PDE8B: variants seen among roughly 807,000 people sequenced by gnomAD.
PDE8B encodes high affinity cAMP-specific and IBMX-insensitive 3',5'-cyclic phosphodiesterase 8B.
A neutral mutation model predicts 101.3 loss-of-function variants in PDE8B; 26 were observed. That is an observed-to-expected ratio of 0.26 (90% CI 0.19 to 0.36). PDE8B has a LOEUF of 0.36. Among genes scored for constraint, PDE8B ranks in the 10% least tolerant of loss-of-function variants. The pLI, the probability that PDE8B is intolerant of heterozygous loss-of-function variation, is 1.00. For missense variants in PDE8B, 810 were observed against 1,163.1 expected, an observed-to-expected ratio of 0.70 and a Z score of 4.42; for synonymous variants, 424 against 429.3, an observed-to-expected ratio of 0.99 and a Z score of 0.15.
Position 77,412,011 on chromosome 5 carries a change from C to G in PDE8B, c.1577-89C>G, listed in dbSNP as rs538386342. The G allele has an allele frequency of 7.5e-4, 1,011 of 1,348,016 alleles. 13 individuals carry two copies. The highest frequency in any genetic ancestry group is 1.6e-4 in the Non-Finnish European group (149 of 945,900). The allele number at this position is 1,348,016 out of a possible 1,614,324, so 83.5% of individuals were successfully genotyped here. A position where few individuals can be genotyped will look rare whatever the true frequency, so the allele number is the denominator to read the frequency against. On this transcript the variant is annotated intron_variant, in intron 15 of 21. Coordinates refer to ENST00000264917, the MANE Select transcript of PDE8B (RefSeq NM_003719.5). ...AAAAATCAGGTACAAGACTTTTTTT[C>G]TAGTAGTAACTATGAAGATGATGAC...
chr5:77,137,788 G>A, the PDE8B span, among the ~76,000 whole-genome samples: 6 of 152,058 alleles, frequency 3.9e-5, no homozygotes, highest in Admixed American at 3.9e-4. Context: ...TTTATGTGGG[G>A]GTAAAATGGC....
chr5:77,144,419 G>A, the PDE8B span: 2 of 152,196 alleles, frequency 1.3e-5, no homozygotes, highest in Non-Finnish European at 2.9e-5. Flanking sequence ...TGAAAATTGC[G>A]TGGCTCCAAA....
intron 10 of PDE8B, among the ~76,000 whole-genome samples, chr5:77,359,437 C>G (rs17750669): frequency 0.25 from 37,559 of 152,172 alleles, 5,218 homozygotes; most frequent in East Asian, 0.46. Flanking sequence ...GGCAGAGAAG[C>G]TTACCCTCAT....
the PDE8B span, among the ~76,000 whole-genome samples, chr5:77,183,388 G>A: frequency 6.6e-6 from 1 of 152,146 alleles, no homozygotes; most frequent in Non-Finnish European, 1.5e-5. Flanking sequence ...AAAGTGCTGG[G>A]ATTACAGGCA....
At chr5:77,363,386 T>G (rs1172142113) in intron 10 of PDE8B, among the ~76,000 whole-genome samples, 1 of 152,002 alleles carries the variant, frequency 6.6e-6, no homozygotes, top group Admixed American at 6.6e-5. Flanking sequence ...ATAGAGGAGG[T>G]GTTGACTGAC....
the PDE8B span, among the ~76,000 whole-genome samples, chr5:77,165,117 G>T: frequency 6.6e-6 from 1 of 152,122 alleles, no homozygotes; most frequent in Non-Finnish European, 1.5e-5. Flanking sequence ...ACATGGAGCT[G>T]GAAAGAGATG....
At chr5:77,194,572 A>C in the PDE8B span, among the ~76,000 whole-genome samples, 3 of 152,178 alleles carry the variant, frequency 2.0e-5, no homozygotes, top group Non-Finnish European at 4.4e-5. Context: ...AAGAAACCCC[A>C]TGACCATTCG....
chr5:77,145,423 C>T, the PDE8B span: 1 of 152,116 alleles, frequency 6.6e-6, no homozygotes, highest in East Asian at 1.9e-4. Flanking sequence ...GAGCTTGTGG[C>T]ATAGAGATAA....
chr5:77,262,691 C>T (rs1253216503), intron 1 of PDE8B, among the ~76,000 whole-genome samples: 1 of 152,214 alleles, frequency 6.6e-6, no homozygotes, highest in East Asian at 1.9e-4. Context: ...TGATTTTCTA[C>T]TTCTGTCTTT....
the PDE8B span, among the ~76,000 whole-genome samples, chr5:77,157,591 G>A: frequency 6.6e-6 from 1 of 152,228 alleles, no homozygotes; most frequent in East Asian, 1.9e-4. Context: ...ATGGATAAAT[G>A]TGGATAGAGG....
chr5:77,213,831 A>G (rs1311057961), intron 1 of PDE8B: 2 of 152,530 alleles, frequency 1.3e-5, no homozygotes, highest in African/African-American at 4.8e-5. Context: ...TTTTCTAGCA[A>G]TAATTCATCT....
intron 1 of PDE8B, among the ~76,000 whole-genome samples, chr5:77,255,179 C>T (rs76586787): frequency 0.013 from 1,958 of 152,290 alleles, 42 homozygotes; most frequent in African/African-American, 0.044. Flanking sequence ...GGGTGGTACA[C>T]TCTTTTTGGG....
chr5:77,334,613 C>T (rs1270706210), intron 5 of PDE8B, among the ~76,000 whole-genome samples: 2 of 152,116 alleles, frequency 1.3e-5, no homozygotes, highest in African/African-American at 4.8e-5. Context: ...TATTGTCAGG[C>T]CCAGTTCCCA....
intron 11 of PDE8B, among the ~76,000 whole-genome samples, 169 bp from the exon 12 acceptor site, chr5:77,404,551 T>C (rs990491821): frequency 6.6e-5 from 10 of 152,248 alleles, no homozygotes; most frequent in African/African-American, 2.4e-4. Flanking sequence ...CTATAATTTT[T>C]GTCTTTCATG....
At chr5:77,293,989 T>C (rs1767961226) in intron 1 of PDE8B, among the ~76,000 whole-genome samples, 1 of 152,244 alleles carries the variant, frequency 6.6e-6, no homozygotes, top group Admixed American at 6.5e-5. Context: ...TCTCCTCATA[T>C]GTGGTTTGTG....
the PDE8B span, among the ~76,000 whole-genome samples, chr5:77,157,827 T>G: frequency 2.6e-5 from 4 of 152,218 alleles, no homozygotes; most frequent in Non-Finnish European, 4.4e-5. Flanking sequence ...TGCCTCCCTG[T>G]TTAGGACAGC....
At chr5:77,175,763 A>G in the PDE8B span, among the ~76,000 whole-genome samples, 2 of 152,242 alleles carry the variant, frequency 1.3e-5, no homozygotes, top group Non-Finnish European at 2.9e-5. Context: ...TGTTGAGTGA[A>G]TGAATGAATA....
At chr5:77,399,060 G>A (rs372392112) in intron 10 of PDE8B, among the ~76,000 whole-genome samples, 1 of 152,224 alleles carries the variant, frequency 6.6e-6, no homozygotes, top group Non-Finnish European at 1.5e-5. Flanking sequence ...ACAAGATAAC[G>A]GATCCCTGTT....
At chr5:77,260,282 A>G (rs1459489318) in intron 1 of PDE8B, among the ~76,000 whole-genome samples, 1 of 152,168 alleles carries the variant, frequency 6.6e-6, no homozygotes, top group Non-Finnish European at 1.5e-5. Context: ...AAGCTCTCAT[A>G]TGGCAGTAGA....
Sources: gnomAD v4.1 joint callset for allele counts (sites outside exome capture counted in the v4.1 genomes callset) on GRCh38, gnomAD v4.1.1 for gene constraint, MANE v1.5 for transcripts, NCBI Gene and HGNC (gene_info 2026-07-23, HGNC 2026-07-21) for gene names.